PDE4D: variants seen among roughly 807,000 people sequenced by gnomAD.
PDE4D encodes the protein 3',5'-cyclic-AMP phosphodiesterase 4D.
In PDE4D, 24 loss-of-function variants were observed where a neutral mutation model predicts 87.4. The observed-to-expected ratio is 0.27, with a 90% CI of 0.20 to 0.39. The LOEUF is 0.39. Among genes scored for constraint, PDE4D ranks in the 10% least tolerant of loss-of-function variants. The pLI is 1.00. For synonymous variants in PDE4D, 384 were observed against 383.2 expected (o/e 1.00, Z -0.02); for missense variants, 714 against 1,041.0 (o/e 0.69, Z 4.32).
At chr5:60,105,726 G>C (rs1025977382) in intron 2 of PDE4D, among the ~76,000 whole-genome samples, 4 of 152,112 alleles carry the variant, frequency 2.6e-5, no homozygotes, top group African/African-American at 9.7e-5. Context: ...TTAAAGAAAA[G>C]AATTTTCAAC....
chr5:59,968,833 T>G (rs1295864421), intron 3 of PDE4D, among the ~76,000 whole-genome samples: 2 of 152,140 alleles, frequency 1.3e-5, no homozygotes, highest in African/African-American at 4.8e-5. Flanking sequence ...AGCATCATCC[T>G]GAGTATGAAA....
At chr5:59,692,586 A>T (rs1448577261) in intron 1 of PDE4D, among the ~76,000 whole-genome samples, 1 of 152,154 alleles carries the variant, frequency 6.6e-6, no homozygotes, top group Non-Finnish European at 1.5e-5. Flanking sequence ...TTTCCTCTGC[A>T]ATCTCATTTT....
At chr5:60,035,818 C>A (rs1010058997) in intron 2 of PDE4D, among the ~76,000 whole-genome samples, 1 of 152,090 alleles carries the variant, frequency 6.6e-6, no homozygotes, top group Non-Finnish European at 1.5e-5. Context: ...AGATGTCATG[C>A]GGGCCCCTCC....
chr5:60,097,114 A>G (rs2149322808), intron 2 of PDE4D, among the ~76,000 whole-genome samples: 2 of 152,202 alleles, frequency 1.3e-5, no homozygotes, highest in East Asian at 3.9e-4. Flanking sequence ...TGATCTAGTC[A>G]TACTCTTATT....
chr5:59,356,909 G>A, intron 1 of PDE4D: 1 of 1,466,668 alleles, frequency 6.8e-7, no homozygotes, highest in East Asian at 2.6e-5. Context: ...CGGGGCTCTG[G>A]GGCCCTGAGG....
chr5:60,494,044 C>T (rs556028098), intron 1 of PDE4D, among the ~76,000 whole-genome samples: 93 of 152,272 alleles, frequency 6.1e-4, no homozygotes, highest in African/African-American at 2.0e-3. Flanking sequence ...TGAGGCTTAT[C>T]GGACCCACAG....
intron 1 of PDE4D, among the ~76,000 whole-genome samples, chr5:60,300,847 T>C (rs1753830279): frequency 6.6e-6 from 1 of 152,112 alleles, no homozygotes; most frequent in Non-Finnish European, 1.5e-5. Flanking sequence ...ATCTCAGCTC[T>C]GCAACCTCCA....
At chr5:60,406,982 G>A (rs1225937212) in intron 1 of PDE4D, among the ~76,000 whole-genome samples, 2 of 152,100 alleles carry the variant, frequency 1.3e-5, no homozygotes, top group Non-Finnish European at 2.9e-5. Context: ...AGAGCAGTGT[G>A]TTCACCGAAA....
At chr5:60,520,749 C>T (rs997376723) in intron 1 of PDE4D, among the ~76,000 whole-genome samples, 3 of 152,228 alleles carry the variant, frequency 2.0e-5, no homozygotes, top group African/African-American at 4.8e-5. Context: ...TGCTGGCCCA[C>T]GGCCCTGGCC....
At chr5:60,073,988 T>C (rs759671083) in intron 2 of PDE4D, among the ~76,000 whole-genome samples, 10 of 152,118 alleles carry the variant, frequency 6.6e-5, no homozygotes, top group Non-Finnish European at 1.2e-4. Context: ...CCTGGATACA[T>C]TGATCTTTTG....
intron 1 of PDE4D, among the ~76,000 whole-genome samples, chr5:60,194,163 T>G (rs964580288): frequency 1.3e-5 from 2 of 151,710 alleles, no homozygotes; most frequent in African/African-American, 4.8e-5. Flanking sequence ...CTGTTATCTT[T>G]CTTTACCTCC....
chr5:59,356,832 C>A, intron 1 of PDE4D: 6 of 1,549,384 alleles, frequency 3.9e-6, no homozygotes, highest in Non-Finnish European at 5.2e-6. Context: ...CCAGAGGATC[C>A]CAAACAAAAG....
chr5:60,443,134 T>G (rs750606907), intron 1 of PDE4D, among the ~76,000 whole-genome samples: 10 of 152,134 alleles, frequency 6.6e-5, no homozygotes, highest in Non-Finnish European at 1.2e-4. Flanking sequence ...TTTAATGGTT[T>G]CAAGTGTTAT....
chr5:59,388,504 G>A (rs530656), intron 1 of PDE4D, among the ~76,000 whole-genome samples: 37,570 of 151,906 alleles, frequency 0.25, 4,968 homozygotes, highest in East Asian at 0.39. Flanking sequence ...TCCAAAGGAA[G>A]TGAAATCAGT....
At chr5:59,493,421 C>T (rs192599397) in intron 1 of PDE4D, among the ~76,000 whole-genome samples, 28 of 152,258 alleles carry the variant, frequency 1.8e-4, no homozygotes, top group Admixed American at 1.4e-3. Context: ...ACACTGGAAT[C>T]GAGTTTACTA....
At chr5:60,318,881 T>A (rs1313273814) in intron 1 of PDE4D, among the ~76,000 whole-genome samples, 1 of 152,186 alleles carries the variant, frequency 6.6e-6, no homozygotes, top group African/African-American at 2.4e-5. Flanking sequence ...CTTCCCTTTG[T>A]GGGTAACCCG....
intron 5 of PDE4D, among the ~76,000 whole-genome samples, chr5:59,112,532 T>G (rs192822877): frequency 1.8e-4 from 27 of 152,204 alleles, no homozygotes; most frequent in African/African-American, 4.6e-4. Flanking sequence ...ATGGTAACCA[T>G]GGAGATGGTG....
At chr5:60,007,561 T>G (rs1436844454) in intron 2 of PDE4D, among the ~76,000 whole-genome samples, 5 of 152,038 alleles carry the variant, frequency 3.3e-5, no homozygotes, top group African/African-American at 1.2e-4. Context: ...CTCAGTTTTG[T>G]TACCACACAT....
At chr5:60,292,610 C>T (rs1752990354) in intron 1 of PDE4D, among the ~76,000 whole-genome samples, 1 of 152,154 alleles carries the variant, frequency 6.6e-6, no homozygotes, top group South Asian at 2.1e-4. Context: ...ATAACTTTTG[C>T]AGTGAAGAGT....
Sources: allele counts gnomAD v4.1 joint callset (sites outside exome capture counted in the v4.1 genomes callset), GRCh38; gene constraint gnomAD v4.1.1; transcripts MANE v1.5; gene names NCBI Gene and HGNC (gene_info 2026-07-23, HGNC 2026-07-21).